Variants in MTBP observed in about 807,000 individuals in gnomAD.
MTBP encodes the protein mdm2-binding protein.
Under a neutral mutation model 117.0 loss-of-function variants are expected in MTBP, and 101 were observed. That is an observed-to-expected ratio of 0.86 (90% CI 0.73 to 1.02). The LOEUF is 1.02. Ranked by LOEUF, MTBP falls within the 50% of genes least tolerant of loss-of-function variation. The probability of loss-of-function intolerance (pLI) is 0.00; values close to 1 mark genes in which losing one functional copy is unlikely to be tolerated. For missense variants in MTBP, 970 were observed against 1,030.9 expected (o/e 0.94, Z 0.81); for synonymous variants, 350 against 351.5 (o/e 1.00, Z 0.05).
intron 2 of MTBP, among the ~76,000 whole-genome samples, chr8:120,448,465 A>AT (rs1291426013): frequency 2.6e-5 from 4 of 152,048 alleles, no homozygotes; most frequent in Admixed American, 1.3e-4. Context: ...CCATTTATCC[A>AT]TTTTTATAAA....
chr8:120,463,714 C>G lies in MTBP; in HGVS notation c.1000C>G (p.Gln334Glu), dbSNP rs1339139176. 1.2e-6 allele frequency: 2 copies of G among 1,611,666 alleles called. No homozygotes were observed. The highest frequency in any genetic ancestry group is 1.3e-5 in the African/African-American group (1 of 74,978). ...CAGAGGATTGACAAACAGTACCAAA[C>G]AGAATTCTGTGTTGCTGTTGGAGCA... ...FELGLTNSTK[Q>E]NSVLLLEQIS... is the part of the protein sequence containing the mutation. The change falls in exon 10 of 22, where the codon CAG becomes GAG. Residue 334 changes from glutamine (Q) to glutamate (E), a missense_variant. Coordinates refer to ENST00000305949, the MANE Select transcript of MTBP (RefSeq NM_022045.5).
Position 120,516,137 on chromosome 8 carries a change from T to A in MTBP, c.2192T>A (p.Val731Glu). 1 of 1,612,696 alleles carries A rather than the reference T, an allele frequency of 6.2e-7. No individual in the cohort carries two copies. The highest frequency in any genetic ancestry group is 8.5e-7 in the Non-Finnish European group (1 of 1,179,028). The stretch of plus-strand genomic sequence containing the variant: ...TTACAAAATGAACTTCGAACTGAAG[T>A]ATCCCGATTGAAACGGAGATCTAAA... ...EVLQNELRTE[V>E]SRLKRRSKDL... is the part of the protein sequence containing the mutation. The change falls in exon 18 of 22, where the codon GTA (valine) becomes GAA (glutamate). Residue 731 changes from valine to glutamate, a missense_variant. Coordinates refer to ENST00000305949, the MANE Select transcript of MTBP (RefSeq NM_022045.5).
At chr8:120,518,218 A>G in intron 19 of MTBP, 118 bp downstream of exon 19, 1 of 1,195,130 alleles carries the variant, frequency 8.4e-7, no homozygotes, top group South Asian at 1.6e-5. Flanking sequence ...TCTAGAATTT[A>G]CTGGTGTAAG....
chr8:120,474,979 T>C (rs1014730932), intron 11 of MTBP, among the ~76,000 whole-genome samples: 4 of 152,100 alleles, frequency 2.6e-5, no homozygotes, highest in South Asian at 4.1e-4. Flanking sequence ...GCATTAAGTA[T>C]CTGCTTTTTC....
At chr8:120,482,253 T>C (rs892747860) in intron 11 of MTBP, among the ~76,000 whole-genome samples, 2 of 152,176 alleles carry the variant, frequency 1.3e-5, no homozygotes, top group African/African-American at 2.4e-5. Flanking sequence ...TTTAGATGCT[T>C]TGAGGCAGAA....
Position 120,497,387 on chromosome 8 carries a change from TTA to T in MTBP, c.1448-3_1448-2del, listed in dbSNP as rs1814489252. ...AATAAGTCAATTGTATTGATTTGTCTTATAGAAAGACGAAAGTTGGCAAAGCA... is the reference window on the plus strand; with the variant it reads ...AATAAGTCAATTGTATTGATTTGTCTTAGAAAGACGAAAGTTGGCAAAGCA... On this transcript the variant is annotated splice_region_variant and splice_polypyrimidine_tract_variant and intron_variant, in intron 13 of 21. Transcript: ENST00000305949. 1.2e-6 allele frequency: 2 copies of T among 1,601,652 alleles called. No individual in the cohort carries two copies. The highest frequency in any genetic ancestry group is 8.5e-7 in the Non-Finnish European group (1 of 1,176,276).
At chr8:120,464,786 C>T (rs111986686) in intron 10 of MTBP, among the ~76,000 whole-genome samples, 137 of 152,092 alleles carry the variant, frequency 9.0e-4, no homozygotes, top group African/African-American at 3.2e-3. Context: ...AACTAATTTA[C>T]TAAATTTTGA....
At chr8:120,477,197 A>G (rs568139550) in intron 11 of MTBP, among the ~76,000 whole-genome samples, 1 of 152,340 alleles carries the variant, frequency 6.6e-6, no homozygotes, top group Admixed American at 6.5e-5. Context: ...CTGGCTAGCC[A>G]TATGCAGAAA....
rs773497562 is a variant in MTBP, at chr8:120,518,700, C to T, written c.2497-4C>T. On this transcript the variant is annotated splice_region_variant and splice_polypyrimidine_tract_variant and intron_variant, in intron 19 of 21. Transcript: ENST00000305949. The stretch of plus-strand genomic sequence containing the variant: ...TATTCGTCATATGTTATGTTCTGTT[C>T]AAGATACTGAAAGAAGTAGTTACTG... 1 of 1,583,812 alleles carries T rather than the reference C, an allele frequency of 6.3e-7. No individual in the cohort carries two copies.
intron 5 of MTBP, 75 bp downstream of exon 5, chr8:120,453,980 C>A: frequency 2.2e-6 from 2 of 897,548 alleles, no homozygotes; most frequent in South Asian, 1.8e-5. Context: ...TAAATTTGTT[C>A]TTTATGTTAG....
Position 120,488,314 on chromosome 8 carries a change from A to T in MTBP, c.1321A>T (p.Thr441Ser). ...NLIHGKMKTK[T>S]EEAKLSFPFD... ...AATTCATGGAAAGATGAAAACAAAG[A>T]CAGAAGAAGCCAAATTGAGTAAGTG... The change falls in exon 12 of 22, where the codon ACA becomes TCA. Residue 441 changes from threonine (T) to serine (S), a missense_variant. Transcript: ENST00000305949. The T allele has an allele frequency of 6.4e-7, 1 of 1,553,028 alleles. No individual in the cohort carries two copies. Among genetic ancestry groups the T allele is most frequent in the Non-Finnish European group, 8.6e-7 (1 of 1,157,286 alleles).
intron 17 of MTBP, among the ~76,000 whole-genome samples, chr8:120,514,321 C>G (rs978457803): frequency 6.6e-6 from 1 of 151,874 alleles, no homozygotes; most frequent in Non-Finnish European, 1.5e-5. Context: ...TTTATTCATC[C>G]TACATAACTC....
Position 120,474,801 on chromosome 8 carries a change from T to A in MTBP, c.1165+3864T>A, listed in dbSNP as rs367996236. ...AGTCTTCCTCTAATGGAATTTACAC[T>A]GTACCACAGAAAATAGATATTCAGA... On this transcript the variant is annotated intron_variant, in intron 11 of 21. Coordinates refer to ENST00000305949, the MANE Select transcript of MTBP (RefSeq NM_022045.5). 6.6e-4 allele frequency among the ~76,000 whole-genome samples: 100 copies of A among 152,078 alleles called. 1 individual carries two copies. The highest frequency in any genetic ancestry group is 2.3e-3 in the African/African-American group (94 of 41,540).
chr8:120,498,200 A>G (rs1814508718), intron 14 of MTBP, among the ~76,000 whole-genome samples: 2 of 152,214 alleles, frequency 1.3e-5, no homozygotes, highest in Admixed American at 1.3e-4. Context: ...CATGTTTAAA[A>G]TGGGAATAAT....
intron 11 of MTBP, among the ~76,000 whole-genome samples, chr8:120,484,995 A>T (rs1019971374): frequency 3.3e-5 from 5 of 152,204 alleles, no homozygotes; most frequent in Non-Finnish European, 7.3e-5. Flanking sequence ...ATGCCAGGAC[A>T]TCATCCTCTT....
intron 17 of MTBP, among the ~76,000 whole-genome samples, chr8:120,515,068 T>C (rs936716034): frequency 2.0e-5 from 3 of 152,048 alleles, no homozygotes; most frequent in Non-Finnish European, 4.4e-5. Flanking sequence ...GGAGTTGAAC[T>C]AAATCTTTTG....
chr8:120,522,724 A>G lies in MTBP; in HGVS notation c.2676+5A>G. ...GCAAACAACAATGCTGTACAGGTAAAGAAATTATTCCCAAGAAACTATATT... is the reference window on the plus strand; with the variant it reads ...GCAAACAACAATGCTGTACAGGTAAGGAAATTATTCCCAAGAAACTATATT... On this transcript the variant is annotated splice_donor_5th_base_variant and intron_variant, in intron 21 of 21. Transcript: ENST00000305949. 1 of 1,587,888 alleles carries G rather than the reference A, an allele frequency of 6.3e-7. No homozygotes were observed. The highest frequency in any genetic ancestry group is 1.8e-5 in the Admixed American group (1 of 56,556).
intron 2 of MTBP, among the ~76,000 whole-genome samples, chr8:120,448,463 C>T (rs935959702): frequency 2.0e-5 from 3 of 152,132 alleles, no homozygotes; most frequent in African/African-American, 7.2e-5. Flanking sequence ...ATCCATTTAT[C>T]CATTTTTATA....
rs143746751 is a variant in MTBP, at chr8:120,486,714, G to A, written c.1166-1445G>A. Among the ~76,000 whole-genome samples, 136 of 152,204 alleles carry A rather than the reference G, an allele frequency of 8.9e-4. 1 individual carries two copies. The East Asian group carries it at 0.021, about 24-fold the overall frequency. ...CACAGCCGCTTGGATTGGAGTTTCT[G>A]TCCATCTGTGTTGGGAATGGGTGGG... is the stretch of plus-strand genomic sequence containing the variant. On this transcript the variant is annotated intron_variant, in intron 11 of 21. Coordinates refer to ENST00000305949, the MANE Select transcript of MTBP (RefSeq NM_022045.5).
Sources: gnomAD v4.1 joint callset for allele counts (sites outside exome capture counted in the v4.1 genomes callset) on GRCh38, gnomAD v4.1.1 for gene constraint, MANE v1.5 for transcripts, NCBI Gene and HGNC (gene_info 2026-07-23, HGNC 2026-07-21) for gene names.